Variants in LRRC14 observed in about 807,000 individuals in gnomAD.
The protein encoded by LRRC14 is leucine rich repeat containing 14.
LRRC14 carries 16 observed loss-of-function variants against 25.3 expected under a neutral mutation model. The observed-to-expected ratio is 0.63, with a 90% CI of 0.43 to 0.96. The LOEUF (loss-of-function observed/expected upper bound fraction) is 0.96. LRRC14 is among the 40% of genes least tolerant of loss of function. The pLI is 0.00. For synonymous variants in LRRC14, 359 were observed against 295.1 expected, an observed-to-expected ratio of 1.22 and a Z score of -2.22; for missense variants, 594 against 660.5, an observed-to-expected ratio of 0.90 and a Z score of 1.10.
rs1320297534 is a variant in LRRC14 at position 144,520,905 on chromosome 8, C to T, written c.915-6C>T. ...TGCCTGTCTGTGACCCCTGTGTCCCCTGTAGCACCCTGCAGAGCCCCCTGG... is the reference window on the plus strand; with the variant it reads ...TGCCTGTCTGTGACCCCTGTGTCCCTTGTAGCACCCTGCAGAGCCCCCTGG... On this transcript the variant is annotated splice_polypyrimidine_tract_variant and splice_region_variant and intron_variant, in intron 3 of 3. Transcript: ENST00000292524. 31 of 1,606,968 alleles carry T rather than the reference C, an allele frequency of 1.9e-5. No individual in the cohort carries two copies. Among genetic ancestry groups the T allele is most frequent in the Non-Finnish European group, 2.5e-5 (30 of 1,178,832 alleles).
rs762615452 is a variant in LRRC14 at position 144,523,455 on chromosome 8, A to G, written c.*1977A>G. ...GCAGGTGGCTTGAGGGTGCTGCTAA[A>G]ACAGCCTGTGCAGTTGGGGTTTTGC... On this transcript the variant is annotated 3_prime_UTR_variant, in exon 4 of 4. Transcript: ENST00000292524. The G allele has an allele frequency of 6.7e-6, 10 of 1,499,238 alleles. No homozygotes were observed. The Admixed American group carries it at 6.9e-5, about 10-fold the overall frequency. The allele number at this position is 1,499,238 out of a possible 1,614,324, so 92.9% of individuals were successfully genotyped here.
Position 144,523,474 on chromosome 8 carries a change from G to C in LRRC14, c.*1996G>C. ...TGCTAAAACAGCCTGTGCAGTTGGG[G>C]TTTTGCAGGCCAGGACAGAGGCCTC... is the stretch of plus-strand genomic sequence containing the variant. On this transcript the variant is annotated 3_prime_UTR_variant, in exon 4 of 4. Transcript: ENST00000292524. The C allele has an allele frequency of 6.7e-7, 1 of 1,487,818 alleles. No homozygotes were observed. The highest frequency in any genetic ancestry group is 8.9e-7 in the Non-Finnish European group (1 of 1,125,822). The allele number at this position is 1,487,818 out of a possible 1,614,324, so 92.2% of individuals were successfully genotyped here. A position where few individuals can be genotyped will look rare whatever the true frequency, so the allele number is the denominator to read the frequency against.
At position 144,522,918 on chromosome 8, in the gene LRRC14, G is replaced by T; in HGVS notation, c.*1440G>T. The T allele has an allele frequency of 6.9e-7, 1 of 1,452,664 alleles. No homozygotes were observed. The highest frequency in any genetic ancestry group is 2.9e-5 in the East Asian group (1 of 34,720). The allele number at this position is 1,452,664 out of a possible 1,614,324, so 90.0% of individuals were successfully genotyped here. A position where few individuals can be genotyped will look rare whatever the true frequency, so the allele number is the denominator to read the frequency against. On this transcript the variant is annotated 3_prime_UTR_variant, in exon 4 of 4. Transcript: ENST00000292524. ...GGTTGCGCGGGCTGCTGCGGCTGCT[G>T]CCGGGACGCGTTGACCAGGAGCCGG... is the stretch of plus-strand genomic sequence containing the variant.
At chr8:144,520,889 G>GTGACCCCTGTGTCC in intron 3 of LRRC14, 22 bp from the exon 4 acceptor site, 1 of 1,600,092 alleles carries the variant, frequency 6.2e-7, no homozygotes, top group Admixed American at 1.7e-5. Flanking sequence ...CTGCCTGTCT[G>GTGACCCCTGTGTCC]TGACCCCTGT....
rs528336028 is a variant in LRRC14 at position 144,523,335 on chromosome 8, T to C, written c.*1857T>C. On this transcript the variant is annotated 3_prime_UTR_variant, in exon 4 of 4. Coordinates refer to ENST00000292524, the MANE Select transcript of LRRC14 (RefSeq NM_014665.4). ...CACATGATCTTCCTGTCCCTGGAGG[T>C]GAGCAGCCGCTGGCCGCCCTCCTTG... 1 of 1,592,624 alleles carries C rather than the reference T, an allele frequency of 6.3e-7. No individual in the cohort carries two copies. Among genetic ancestry groups the C allele is most frequent in the South Asian group, 1.1e-5 (1 of 89,722 alleles).
chr8:144,522,748 G>A lies in LRRC14; in HGVS notation c.*1270G>A. The A allele has an allele frequency of 6.3e-7, 1 of 1,587,228 alleles. No individual in the cohort carries two copies. The highest frequency in any genetic ancestry group is 8.6e-7 in the Non-Finnish European group (1 of 1,168,882). On this transcript the variant is annotated 3_prime_UTR_variant, in exon 4 of 4. Transcript: ENST00000292524. ...GCCTGCGGCGCCGGCGACAGATCAT[G>A]GCGACCAGGAGCAGCGCCGTGAGCG...
Position 144,524,855 on chromosome 8 carries a change from C to T in LRRC14, c.*3377C>T. 1 of 1,493,796 alleles carries T rather than the reference C, an allele frequency of 6.7e-7. No individual in the cohort carries two copies. The highest frequency in any genetic ancestry group is 8.9e-7 in the Non-Finnish European group (1 of 1,121,384). The allele number at this position is 1,493,796 out of a possible 1,614,324, so 92.5% of individuals were successfully genotyped here. A position where few individuals can be genotyped will look rare whatever the true frequency, so the allele number is the denominator to read the frequency against. ...GGATTCCCAGCGGGACGACGCGCAA[C>T]CGCAGGGCGCCACACTCCACCGTGG... On this transcript the variant is annotated 3_prime_UTR_variant, in exon 4 of 4. Transcript: ENST00000292524.
chr8:144,523,020 T>C lies in LRRC14; in HGVS notation c.*1542T>C. ...CCGGCGTGCGCCAGCGTGATGTTGCTGAGGAAGAGCATGCCGCTGCCCGTG... is the reference window on the plus strand; with the variant it reads ...CCGGCGTGCGCCAGCGTGATGTTGCCGAGGAAGAGCATGCCGCTGCCCGTG... On this transcript the variant is annotated 3_prime_UTR_variant, in exon 4 of 4. Coordinates refer to ENST00000292524, the MANE Select transcript of LRRC14 (RefSeq NM_014665.4). 1.3e-6 allele frequency: 2 copies of C among 1,598,450 alleles called. No individual in the cohort carries two copies. The highest frequency in any genetic ancestry group is 1.7e-6 in the Non-Finnish European group (2 of 1,175,168).
chr8:144,523,069 G>A lies in LRRC14; in HGVS notation c.*1591G>A. 4.4e-6 allele frequency: 7 copies of A among 1,607,336 alleles called. No homozygotes were observed. The highest frequency in any genetic ancestry group is 5.1e-6 in the Non-Finnish European group (6 of 1,178,788). ...TGTCGGATGCCGAGTGTCCGCCCAG[G>A]CCCAGCAACCCGCCTTCTAGCTGGG... is the stretch of plus-strand genomic sequence containing the variant. On this transcript the variant is annotated 3_prime_UTR_variant, in exon 4 of 4. Coordinates refer to ENST00000292524, the MANE Select transcript of LRRC14 (RefSeq NM_014665.4).
At position 144,519,870 on chromosome 8, in the gene LRRC14, G is replaced by A. The variant is rs371214247; in HGVS notation, c.145G>A (p.Glu49Lys). The A allele has an allele frequency of 6.2e-7, 1 of 1,613,530 alleles. No individual in the cohort carries two copies. Among genetic ancestry groups the A allele is most frequent in the African/African-American group, 1.3e-5 (1 of 75,060 alleles). The stretch of plus-strand genomic sequence containing the variant: ...GGACAAGAAGACAGTGGTACTGCGC[G>A]AGTTGGTACACACGTGGCCCTTCCC... ...FMDKKTVVLR[E>K]LVHTWPFPLL... The change falls in exon 2 of 4, where the codon GAG becomes AAG. Residue 49 changes from glutamate to lysine, a missense_variant. Coordinates refer to ENST00000292524, the MANE Select transcript of LRRC14 (RefSeq NM_014665.4).
chr8:144,520,871 C>T, intron 3 of LRRC14, 40 bp from the exon 4 acceptor site: 1 of 1,595,524 alleles, frequency 6.3e-7, no homozygotes, highest in Non-Finnish European at 8.5e-7. Flanking sequence ...TAGGGACCCT[C>T]CCTGGCTCTG....
In LRRC14 at chr8:144,521,421, T is replaced by C. The variant is rs760869872; in HGVS notation, c.1425T>C (p.His475=). The change falls in exon 4 of 4, where the codon CAT becomes CAC. Residue 475 remains histidine (H), a synonymous_variant. Coordinates refer to ENST00000292524, the MANE Select transcript of LRRC14 (RefSeq NM_014665.4). ...TGCTTCTAGCCTCAGGCCGTGCCCA[T>C]GTGCTCTGGACCACGGACATCTACG... ...HQLLLASGRA[H]VLWTTDIYGR... is the part of the protein sequence containing the mutation. 3 of 1,610,112 alleles carry C rather than the reference T, an allele frequency of 1.9e-6. No individual in the cohort carries two copies. The highest frequency in any genetic ancestry group is 1.7e-5 in the Admixed American group (1 of 60,000).
Position 144,520,016 on chromosome 8 carries a change from C to T in LRRC14, c.291C>T (p.His97=), listed in dbSNP as rs1334351865. 1 of 1,610,026 alleles carries T rather than the reference C, an allele frequency of 6.2e-7. No homozygotes were observed. Among genetic ancestry groups the T allele is most frequent in the East Asian group, 2.2e-5 (1 of 44,856 alleles). Reference sequence around the variant, plus strand: ...TCCTGGGGCTGACTGCCCGGCTCCACACCTCAGAGCCTGGGGCCAGCACAC... The same window carrying T: ...TCCTGGGGCTGACTGCCCGGCTCCATACCTCAGAGCCTGGGGCCAGCACAC... ...AVILGLTARL[H]TSEPGASTQP... The change falls in exon 2 of 4, where the codon CAC becomes CAT. Residue 97 remains histidine, a synonymous_variant. Coordinates refer to ENST00000292524, the MANE Select transcript of LRRC14 (RefSeq NM_014665.4).
Position 144,520,135 on chromosome 8 carries a change from A to G in LRRC14, c.329+81A>G, listed in dbSNP as rs1427328216. The G allele has an allele frequency of 1.9e-6, 3 of 1,568,424 alleles. No individual in the cohort carries two copies. The Admixed American group carries it at 5.2e-5, about 27-fold the overall frequency. On this transcript the variant is annotated intron_variant, in intron 2 of 3. Transcript: ENST00000292524. The stretch of plus-strand genomic sequence containing the variant: ...GGAGGCTTGGGTCATAAAGTTAGCA[A>G]GAGCTCATGCAGGAGCAGGCGCGTT...
chr8:144,520,196 C>A (rs370798381), intron 2 of LRRC14, 42 bp from the exon 3 acceptor site: 82 of 1,588,578 alleles, frequency 5.2e-5, no homozygotes, highest in Non-Finnish European at 7.0e-5. Context: ...GGGGTATGGG[C>A]GCTGCCCCTC....
chr8:144,522,983 C>T lies in LRRC14; in HGVS notation c.*1505C>T. 6.3e-7 allele frequency: 1 copy of T among 1,595,418 alleles called. No individual in the cohort carries two copies. The highest frequency in any genetic ancestry group is 8.5e-7 in the Non-Finnish European group (1 of 1,175,752). ...AGCGCCGCCGGCGTTGGAGGCCTCG[C>T]ACTCGTACTTACCGGCGTGCGCCAG... On this transcript the variant is annotated 3_prime_UTR_variant, in exon 4 of 4. Transcript: ENST00000292524.
In LRRC14 at chr8:144,524,895, C is replaced by A. The variant is rs1586857109; in HGVS notation, c.*3417C>A. On this transcript the variant is annotated 3_prime_UTR_variant, in exon 4 of 4. Transcript: ENST00000292524. ...CTCCACCGTGGCGCTGTAGCAGCGG[C>A]AGGCTGCTGGGCAGCCGGCGGCGCG... is the stretch of plus-strand genomic sequence containing the variant. 1 of 1,515,110 alleles carries A rather than the reference C, an allele frequency of 6.6e-7. No homozygotes were observed. Among genetic ancestry groups the A allele is most frequent in the Non-Finnish European group, 8.8e-7 (1 of 1,133,428 alleles). 93.9% of individuals were successfully genotyped at this position (1,515,110 alleles called of 1,614,324 possible). A position where few individuals can be genotyped will look rare whatever the true frequency, so the allele number is the denominator to read the frequency against.
rs1815996281 is a variant in LRRC14 at position 144,520,977 on chromosome 8, C to T, written c.981C>T (p.Arg327=). 3.7e-6 allele frequency: 6 copies of T among 1,613,172 alleles called. No individual in the cohort carries two copies. Among genetic ancestry groups the T allele is most frequent in the Non-Finnish European group, 4.2e-6 (5 of 1,180,034 alleles). Residue 327 remains arginine, a synonymous_variant, in exon 4 of 4, where the codon CGC becomes CGT. Coordinates refer to ENST00000292524, the MANE Select transcript of LRRC14 (RefSeq NM_014665.4). The stretch of plus-strand genomic sequence containing the variant: ...GTGCTCTGCTGCCTGAGGACCTACG[C>T]TTCCTGGCACGGAGCCCACATGCTG... The part of the protein sequence containing the change: ...AFCALLPEDL[R]FLARSPHAAH...
Position 144,519,830 on chromosome 8 carries a change from C to T in LRRC14, c.105C>T (p.Phe35=). Residue 35 remains phenylalanine, a synonymous_variant, in exon 2 of 4, where the codon TTC becomes TTT. Coordinates refer to ENST00000292524, the MANE Select transcript of LRRC14 (RefSeq NM_014665.4). ...CACGCGAACTCTTCCCCCTGCTGTT[C>T]AAGGTGGCCTTCATGGACAAGAAGA... ...LLPRELFPLL[F]KVAFMDKKTV... 6.2e-7 allele frequency: 1 copy of T among 1,613,518 alleles called. No individual in the cohort carries two copies. The highest frequency in any genetic ancestry group is 8.5e-7 in the Non-Finnish European group (1 of 1,180,018).
Sources: gnomAD v4.1 joint callset for allele counts on GRCh38, gnomAD v4.1.1 for gene constraint, MANE v1.5 for transcripts, NCBI Gene and HGNC (gene_info 2026-07-23, HGNC 2026-07-21) for gene names.